The following SH3RF2 variants were observed in gnomAD, a reference collection of about 807,000 sequenced individuals.
SH3RF2 encodes the protein E3 ubiquitin-protein ligase SH3RF2.
A neutral mutation model predicts 59.0 loss-of-function variants in SH3RF2; 43 were observed. The ratio of observed to expected loss-of-function variants is 0.73; its 90% CI spans 0.57 to 0.94. SH3RF2 has a LOEUF of 0.94. Among genes scored for constraint, SH3RF2 ranks in the 40% least tolerant of loss-of-function variants. The probability of loss-of-function intolerance (pLI) is 0.00; values close to 1 mark genes in which losing one functional copy is unlikely to be tolerated. For synonymous variants in SH3RF2, 391 were observed against 391.5 expected, an observed-to-expected ratio of 1.00 and a Z score of 0.01; for missense variants, 930 against 940.1, an observed-to-expected ratio of 0.99 and a Z score of 0.14.
At chr5:145,982,978 G>T (rs1561722903) in intron 2 of SH3RF2, among the ~76,000 whole-genome samples, 1 of 152,126 alleles carries the variant, frequency 6.6e-6, no homozygotes, top group Non-Finnish European at 1.5e-5. Context: ...GTCATGATTA[G>T]AGCCCAGTGA....
intron 7 of SH3RF2, among the ~76,000 whole-genome samples, chr5:146,051,855 G>A (rs557947329): frequency 6.6e-6 from 1 of 152,318 alleles, no homozygotes; most frequent in South Asian, 2.1e-4. Flanking sequence ...GTTGTATCCA[G>A]AGAATGACAA....
Position 146,004,049 on chromosome 5 carries a change from C to T in SH3RF2, c.649-9C>T, listed in dbSNP as rs1452565171. On this transcript the variant is annotated splice_polypyrimidine_tract_variant and intron_variant, in intron 3 of 9. Coordinates refer to ENST00000359120, the MANE Select transcript of SH3RF2 (RefSeq NM_152550.4). ...GAGTAAATGCTGACCATGAGACTTT[C>T]TCTTTCAGGACGATATCATCACTGT... 6.2e-7 allele frequency: 1 copy of T among 1,609,908 alleles called. No individual in the cohort carries two copies. The highest frequency in any genetic ancestry group is 1.3e-5 in the African/African-American group (1 of 74,820).
intron 2 of SH3RF2, among the ~76,000 whole-genome samples, chr5:145,962,778 C>T (rs1203105280): frequency 6.6e-6 from 1 of 150,784 alleles, no homozygotes; most frequent in East Asian, 2.0e-4. Flanking sequence ...ACCCTTAGGA[C>T]TTCATACCTC....
chr5:145,983,624 A>T (rs1488102054), intron 2 of SH3RF2, among the ~76,000 whole-genome samples: 1 of 152,158 alleles, frequency 6.6e-6, no homozygotes, highest in Admixed American at 6.5e-5. Context: ...GAGGCCAGCG[A>T]TAAATTGGGT....
At chr5:146,039,116 T>C (rs1393730632) in intron 5 of SH3RF2, among the ~76,000 whole-genome samples, 1 of 152,076 alleles carries the variant, frequency 6.6e-6, no homozygotes, top group Non-Finnish European at 1.5e-5. Flanking sequence ...AAAGATGAAA[T>C]TGGATTCCTC....
At chr5:146,047,012 T>C (rs903584023) in intron 5 of SH3RF2, among the ~76,000 whole-genome samples, 4 of 152,190 alleles carry the variant, frequency 2.6e-5, no homozygotes, top group African/African-American at 9.7e-5. Context: ...CCAGCTCAGC[T>C]TCCCAAAGTG....
chr5:146,019,513 C>T (rs578140369), intron 5 of SH3RF2, among the ~76,000 whole-genome samples: 1 of 152,192 alleles, frequency 6.6e-6, no homozygotes, highest in South Asian at 2.1e-4. Context: ...GTTACTATAG[C>T]CTTGTAATAT....
exon 10 of SH3RF2, chr5:146,079,355 G>A (rs561173072): frequency 6.6e-6 from 1 of 152,244 alleles, no homozygotes; most frequent in East Asian, 1.9e-4. Context: ...AAGAGACATT[G>A]CTCACATAAA....
At chr5:146,008,778 T>C (rs1443054867) in intron 4 of SH3RF2, among the ~76,000 whole-genome samples, 2 of 152,190 alleles carry the variant, frequency 1.3e-5, no homozygotes, top group African/African-American at 4.8e-5. Context: ...GCTTCCCCTT[T>C]ATAGTCAATT....
chr5:146,077,172 C>A (rs1364146866), intron 9 of SH3RF2, among the ~76,000 whole-genome samples: 1 of 152,180 alleles, frequency 6.6e-6, no homozygotes, highest in Non-Finnish European at 1.5e-5. Flanking sequence ...CTGTTATGTG[C>A]AATCAAACCA....
At chr5:145,942,392 A>G (rs1289896078) in intron 2 of SH3RF2, among the ~76,000 whole-genome samples, 1 of 152,138 alleles carries the variant, frequency 6.6e-6, no homozygotes, top group African/African-American at 2.4e-5. Context: ...GCAAGAACAC[A>G]CCTGCCACCT....
intron 2 of SH3RF2, among the ~76,000 whole-genome samples, chr5:145,975,834 C>T (rs1434253245): frequency 6.6e-6 from 1 of 152,266 alleles, no homozygotes; most frequent in Non-Finnish European, 1.5e-5. Context: ...CTGTGCCTCA[C>T]ATCCCTTATC....
At chr5:146,072,347 G>C (rs963783212) in intron 9 of SH3RF2, among the ~76,000 whole-genome samples, 5 of 152,172 alleles carry the variant, frequency 3.3e-5, no homozygotes, top group Admixed American at 3.3e-4. Context: ...GGGCTTGAAA[G>C]CAGGATGAGC....
At chr5:146,064,772 AAGGAAAGG>A (rs1763038965), downstream of SH3RF2, among the ~76,000 whole-genome samples, 4 of 46,046 alleles carry the variant, frequency 8.7e-5, no homozygotes, top group South Asian at 1.1e-3. Flanking sequence ...GGAAGGAAGG[AAGGAAAGG>A]AAGGAAGGAA....
At chr5:146,048,667 C>A (rs1385105703) in intron 6 of SH3RF2, among the ~76,000 whole-genome samples, 1 of 152,168 alleles carries the variant, frequency 6.6e-6, no homozygotes, top group Non-Finnish European at 1.5e-5. Context: ...ACTGGTGATC[C>A]CTGAATCTGG....
chr5:145,967,969 G>A (rs1758923374), intron 2 of SH3RF2, among the ~76,000 whole-genome samples: 1 of 150,768 alleles, frequency 6.6e-6, no homozygotes, highest in Non-Finnish European at 1.5e-5. Context: ...CCTACGGTGA[G>A]TTATTTCTCT....
Position 146,059,866 on chromosome 5 carries a change from A to T in SH3RF2, c.1556A>T (p.Asn519Ile). The T allele has an allele frequency of 6.9e-7, 1 of 1,456,000 alleles. No homozygotes were observed. The highest frequency in any genetic ancestry group is 1.4e-5 in the African/African-American group (1 of 69,696). 90.2% of individuals were successfully genotyped at this position (1,456,000 alleles called of 1,614,324 possible). Residue 519 changes from asparagine to isoleucine, a missense_variant and splice_region_variant, in exon 9 of 10, where the codon AAT becomes ATT. Physicochemically the swap from Asn to Ile is moderately radical, Grantham distance 149. Transcript: ENST00000359120. ...ATCTCTCTGTCCTATAATTCCCCAGATGGATCCCTGCAGAGACCCCTCCAG... is the reference window on the plus strand; with the variant it reads ...ATCTCTCTGTCCTATAATTCCCCAGTTGGATCCCTGCAGAGACCCCTCCAG... ...LRKGRSSMRK[N>I]GSLQRPLQSG...
intron 2 of SH3RF2, among the ~76,000 whole-genome samples, chr5:145,955,744 T>C (rs754771881): frequency 8.5e-5 from 13 of 152,196 alleles, no homozygotes; most frequent in Non-Finnish European, 1.8e-4. Flanking sequence ...CTACCATAGA[T>C]GAACATAAGC....
At chr5:145,988,798 G>T (rs545349190) in intron 2 of SH3RF2, among the ~76,000 whole-genome samples, 2 of 152,260 alleles carry the variant, frequency 1.3e-5, no homozygotes, top group African/African-American at 4.8e-5. Context: ...CCAAGGCCAG[G>T]TGGATCTGAT....
Sources: allele counts gnomAD v4.1 joint callset (sites outside exome capture counted in the v4.1 genomes callset), GRCh38; gene constraint gnomAD v4.1.1; transcripts MANE v1.5; gene names NCBI Gene and HGNC (gene_info 2026-07-23, HGNC 2026-07-21).